The following SCARA5 variants were observed in gnomAD, a reference collection of about 807,000 sequenced individuals.
SCARA5 encodes scavenger receptor class A, member 5 (putative).
A neutral mutation model predicts 46.3 loss-of-function variants in SCARA5; 45 were observed. The observed-to-expected ratio is 0.97, with a 90% confidence interval of 0.76 to 1.24. SCARA5 has a LOEUF of 1.24. Among genes scored for constraint, SCARA5 ranks in the 50% most tolerant of loss-of-function variants. SCARA5 has a pLI of 0.00. For synonymous variants in SCARA5, 333 were observed against 306.5 expected, an observed-to-expected ratio of 1.09 and a Z score of -0.90; for missense variants, 680 against 689.0, an observed-to-expected ratio of 0.99 and a Z score of 0.15.
At position 27,879,640 on chromosome 8, in the gene SCARA5, C is replaced by G. The variant is rs759494283; in HGVS notation, c.1280G>C (p.Gly427Ala). ...VCDDGWDKKDGDVVCRMLGFR... is the reference protein window; with the variant it reads ...VCDDGWDKKDADVVCRMLGFR... ...GCCGAGCATGCGGCACACCACGTCT[C>G]CGTCCTTCTTGTCCCAGCCGTCGTC... The change falls in exon 8 of 9, where the codon GGA becomes GCA. Residue 427 changes from glycine (G) to alanine (A), a missense_variant. Coordinates refer to ENST00000354914, the MANE Select transcript of SCARA5 (RefSeq NM_173833.6). 11 of 1,612,648 alleles carry G rather than the reference C, an allele frequency of 6.8e-6. No individual in the cohort carries two copies. The highest frequency in any genetic ancestry group is 9.3e-6 in the Non-Finnish European group (11 of 1,180,038).
intron 3 of SCARA5, among the ~76,000 whole-genome samples, chr8:27,952,880 A>C (rs567247784): frequency 1.3e-5 from 2 of 152,322 alleles, no homozygotes; most frequent in Admixed American, 1.3e-4. Context: ...AGGCCAAGCC[A>C]GGATAACAGA....
At chr8:27,943,987 T>G (rs1476583246) in intron 3 of SCARA5, among the ~76,000 whole-genome samples, 1 of 152,196 alleles carries the variant, frequency 6.6e-6, no homozygotes, top group East Asian at 1.9e-4. Context: ...ATTGACACAA[T>G]CCACCTCCTC....
chr8:27,922,907 A>G (rs1008682170), intron 3 of SCARA5, among the ~76,000 whole-genome samples: 1 of 152,222 alleles, frequency 6.6e-6, no homozygotes, highest in Non-Finnish European at 1.5e-5. Context: ...GAGGACACAT[A>G]GAAGGCACCA....
At chr8:27,907,084 G>A (rs1325381374) in intron 6 of SCARA5, 64 bp downstream of exon 6, 1 of 1,175,798 alleles carries the variant, frequency 8.5e-7, no homozygotes, top group Admixed American at 1.9e-5. Flanking sequence ...GGTCCCCCAT[G>A]CCAATGCCCA....
intron 4 of SCARA5, 140 bp from the exon 5 acceptor site, chr8:27,909,883 C>T: frequency 1.8e-6 from 1 of 566,668 alleles, no homozygotes; most frequent in Non-Finnish European, 3.1e-6. Flanking sequence ...AAACCCCCAG[C>T]CCAGTCTCGG....
intron 3 of SCARA5, among the ~76,000 whole-genome samples, chr8:27,953,412 G>T (rs1808161089): frequency 6.6e-6 from 1 of 152,228 alleles, no homozygotes; most frequent in African/African-American, 2.4e-5. Context: ...CAGCCCCTCA[G>T]GTAGAGAGCT....
At chr8:27,982,787 G>A (rs1028937013) in intron 2 of SCARA5, among the ~76,000 whole-genome samples, 1 of 152,128 alleles carries the variant, frequency 6.6e-6, no homozygotes, top group African/African-American at 2.4e-5. Flanking sequence ...CAAGATGGCT[G>A]CTCAGGGAGG....
intron 3 of SCARA5, among the ~76,000 whole-genome samples, chr8:27,948,963 C>T (rs1485004791): frequency 6.6e-6 from 1 of 152,254 alleles, no homozygotes; most frequent in Non-Finnish European, 1.5e-5. Context: ...CCCACATGGC[C>T]AGGCTGAATG....
intron 3 of SCARA5, among the ~76,000 whole-genome samples, chr8:27,963,374 A>T (rs1304822141): frequency 1.3e-5 from 2 of 152,256 alleles, no homozygotes; most frequent in Non-Finnish European, 2.9e-5. Flanking sequence ...GAACAGAATG[A>T]AAACATAATA....
intron 3 of SCARA5, among the ~76,000 whole-genome samples, chr8:27,936,106 G>A (rs2685312): frequency 0.37 from 56,700 of 151,878 alleles, 10,850 homozygotes; most frequent in African/African-American, 0.43. Flanking sequence ...AGCTTGGAGC[G>A]GCAGGAGACC....
At chr8:27,937,491 G>A (rs569747248) in intron 3 of SCARA5, among the ~76,000 whole-genome samples, 1 of 152,166 alleles carries the variant, frequency 6.6e-6, no homozygotes, top group East Asian at 1.9e-4. Flanking sequence ...ACACATGCTG[G>A]CATTTGCTTT....
intron 8 of SCARA5, among the ~76,000 whole-genome samples, chr8:27,873,535 A>C (rs900256192): frequency 2.0e-5 from 3 of 151,836 alleles, no homozygotes; most frequent in African/African-American, 7.3e-5. Flanking sequence ...CCCACTGAGC[A>C]CCTTATGTCC....
chr8:27,928,718 T>A (rs1355027884), intron 3 of SCARA5, among the ~76,000 whole-genome samples: 2 of 152,000 alleles, frequency 1.3e-5, no homozygotes, highest in Non-Finnish European at 2.9e-5. Context: ...CAGGCTGGAG[T>A]GGAGTGGCAT....
intron 3 of SCARA5, among the ~76,000 whole-genome samples, chr8:27,959,578 G>C (rs1474401914): frequency 6.6e-6 from 1 of 152,186 alleles, no homozygotes; most frequent in Non-Finnish European, 1.5e-5. Context: ...GTGAAGACCG[G>C]GGCCCAAAGA....
At position 27,909,750 on chromosome 8, in the gene SCARA5, A is replaced by G; in HGVS notation, c.917-7T>C. The G allele has an allele frequency of 6.5e-7, 1 of 1,547,854 alleles. No individual in the cohort carries two copies. Among genetic ancestry groups the G allele is most frequent in the Middle Eastern group, 1.7e-4 (1 of 5,984 alleles). On this transcript the variant is annotated splice_polypyrimidine_tract_variant and splice_region_variant and intron_variant, in intron 4 of 8. Coordinates refer to ENST00000354914, the MANE Select transcript of SCARA5 (RefSeq NM_173833.6). ...CCTTTGGGTCCCGGTGGCCCTGGAAAGGCAAAAACAGCACTGAGGTTAGGG... is the reference window on the plus strand; with the variant it reads ...CCTTTGGGTCCCGGTGGCCCTGGAAGGGCAAAAACAGCACTGAGGTTAGGG...
chr8:27,947,335 T>C (rs900870673), intron 3 of SCARA5, among the ~76,000 whole-genome samples: 1 of 151,984 alleles, frequency 6.6e-6, no homozygotes, highest in Non-Finnish European at 1.5e-5. Context: ...CAAGGGCAAA[T>C]TGGCTTAAAA....
rs1182140093 is a variant in SCARA5, at chr8:27,870,431, C to T, written c.*1503G>A. The stretch of plus-strand genomic sequence containing the variant: ...GCAAGCATATTGGAAGCAAGAATGA[C>T]CTAGGGCCATATTGGCTTAGTTGTC... On this transcript the variant is annotated 3_prime_UTR_variant, in exon 9 of 9. Coordinates refer to ENST00000354914, the MANE Select transcript of SCARA5 (RefSeq NM_173833.6). 6.6e-6 allele frequency: 1 copy of T among 152,442 alleles called. No homozygotes were observed. The highest frequency in any genetic ancestry group is 1.5e-5 in the Non-Finnish European group (1 of 68,008). 9.4% of individuals were successfully genotyped at this position (152,442 alleles called of 1,614,324 possible).
intron 7 of SCARA5, among the ~76,000 whole-genome samples, chr8:27,891,267 A>T (rs1806977861): frequency 6.6e-6 from 1 of 150,746 alleles, no homozygotes; most frequent in East Asian, 2.0e-4. Flanking sequence ...GTGCAGTGGC[A>T]CAATCTCGGC....
intron 7 of SCARA5, among the ~76,000 whole-genome samples, chr8:27,886,694 T>A (rs541520101): frequency 1.8e-4 from 27 of 152,288 alleles, no homozygotes; most frequent in African/African-American, 6.5e-4. Context: ...AAGGACGTCA[T>A]CATTTAAGAG....
Sources: gnomAD v4.1 joint callset for allele counts (sites outside exome capture counted in the v4.1 genomes callset) on GRCh38, gnomAD v4.1.1 for gene constraint, MANE v1.5 for transcripts, NCBI Gene and HGNC (gene_info 2026-07-23, HGNC 2026-07-21) for gene names.